MST1: variants seen among roughly 807,000 people sequenced by gnomAD.
MST1 encodes the protein hepatocyte growth factor-like protein.
MST1 carries 76 observed loss-of-function variants against 100.1 expected under a neutral mutation model. That is an observed-to-expected ratio of 0.76 (90% confidence interval 0.63 to 0.92). The LOEUF is 0.92. Among genes scored for constraint, MST1 ranks in the 40% least tolerant of loss-of-function variants. MST1 has a pLI of 0.00. For synonymous variants in MST1, 352 were observed against 385.4 expected (o/e 0.91, Z 1.01); for missense variants, 850 against 990.0 (o/e 0.86, Z 1.90).
At position 49,686,293 on chromosome 3, in the gene MST1, G is replaced by GCCCCTCCCCCCCCCCCCCCCC; in HGVS notation, c.1016+19_1016+20insGGGGGGGGGGGGGGGGAGGGG. On this transcript the variant is annotated intron_variant, in intron 8 of 17. Coordinates refer to ENST00000449682, the MANE Select transcript of MST1 (RefSeq NM_020998.4). ...CCCGCAGCAGCACGTCCCAACGCCC[G>GCCCCTCCCCCCCCCCCCCCCC]CCCCCCCCCCCCACCTCACTTGCAC... The GCCCCTCCCCCCCCCCCCCCCC allele has an allele frequency of 8.1e-7, 1 of 1,237,272 alleles. No homozygotes were observed. Among genetic ancestry groups the GCCCCTCCCCCCCCCCCCCCCC allele is most frequent in the South Asian group, 1.3e-5 (1 of 74,584 alleles). 76.6% of individuals were successfully genotyped at this position (1,237,272 alleles called of 1,614,324 possible). A position where few individuals can be genotyped will look rare whatever the true frequency, so the allele number is the denominator to read the frequency against.
rs1207940264 is a variant in MST1, at chr3:49,684,839, G to A, written c.1668C>T (p.Phe556=). Residue 556 remains phenylalanine, a synonymous_variant, in exon 15 of 18, where the codon TTC becomes TTT. Coordinates refer to ENST00000449682, the MANE Select transcript of MST1 (RefSeq NM_020998.4). ...TGYEVWLGTL[F]QNPQHGEPSL... is the part of the protein sequence containing the mutation. ...TTGGCTCTCCATGCTGTGGGTTCTGGAACAGGGTGCCCAACCATACCTCAT... is the reference window on the plus strand; with the variant it reads ...TTGGCTCTCCATGCTGTGGGTTCTGAAACAGGGTGCCCAACCATACCTCAT... 3 of 1,613,530 alleles carry A rather than the reference G, an allele frequency of 1.9e-6. No individual in the cohort carries two copies. Among genetic ancestry groups the A allele is most frequent in the Admixed American group, 1.7e-5 (1 of 60,014 alleles).
rs1428091258 is a variant in MST1, at chr3:49,689,423, GC to G, written c.-733del. ...GGTGAGGCCTTTCGGCGAAGCTGAG[GC>G]CTGGAACAACCCGGTGGGAAGCCAT... On this transcript the variant is annotated 5_prime_UTR_variant, in exon 1 of 18. The change abolishes the stop of an existing upstream ORF in the 5' untranslated region. Transcript: ENST00000449682. The G allele has an allele frequency of 3.3e-5, 5 of 152,384 alleles. No individual in the cohort carries two copies. The highest frequency in any genetic ancestry group is 1.2e-4 in the African/African-American group (5 of 41,472). The allele number at this position is 152,384 out of a possible 1,614,324, so 9.4% of individuals were successfully genotyped here.
rs771646511 is a variant in MST1, at chr3:49,687,818, C to A, written c.174G>T (p.Gly58=). Residue 58 remains glycine, a synonymous_variant, in exon 2 of 18, where the codon GGG becomes GGT. Transcript: ENST00000449682. The part of the protein sequence containing the change: ...LQHLLHAVVP[G]PWQEDVADAE... Reference sequence around the variant, plus strand: ...CATCTGCCACATCCTCCTGCCAAGGCCCGGGCACCACCGCATGTAGCAGGT... The same window carrying A: ...CATCTGCCACATCCTCCTGCCAAGGACCGGGCACCACCGCATGTAGCAGGT... 1.2e-6 allele frequency: 2 copies of A among 1,613,664 alleles called. No individual in the cohort carries two copies. Among genetic ancestry groups the A allele is most frequent in the Admixed American group, 3.3e-5 (2 of 60,020 alleles).
At position 49,684,657 on chromosome 3, in the gene MST1, C is replaced by T. The variant is rs751465210; in HGVS notation, c.1770-1G>A. 16 of 1,613,632 alleles carry T rather than the reference C, an allele frequency of 9.9e-6. No individual in the cohort carries two copies. In the Admixed American group the frequency reaches 2.5e-4, roughly 25 times the overall value. On this transcript the variant is annotated splice_acceptor_variant, in intron 15 of 17. Transcript: ENST00000449682. LOFTEE classifies it high-confidence loss of function. Reference sequence around the variant, plus strand: ...CACACGCTGGTTCAGGGTCACAGATCTTTAGCAAGAATGGGGGCACTCAGG... The same window carrying T: ...CACACGCTGGTTCAGGGTCACAGATTTTTAGCAAGAATGGGGGCACTCAGG...
In MST1 at chr3:49,687,542, C is replaced by A; in HGVS notation, c.355+14G>T. Reference sequence around the variant, plus strand: ...CCCCTGTCTCCCACCCTGCCCCTCTCCACCCCCACTTGCCTTTCTTCTGGA... The same window carrying A: ...CCCCTGTCTCCCACCCTGCCCCTCTACACCCCCACTTGCCTTTCTTCTGGA... On this transcript the variant is annotated intron_variant, in intron 3 of 17. Transcript: ENST00000449682. 2 of 1,613,446 alleles carry A rather than the reference C, an allele frequency of 1.2e-6. No homozygotes were observed. Among genetic ancestry groups the A allele is most frequent in the Non-Finnish European group, 1.7e-6 (2 of 1,179,858 alleles).
chr3:49,687,602 G>A lies in MST1; in HGVS notation c.309C>T (p.His103=). 1.9e-6 allele frequency: 3 copies of A among 1,613,626 alleles called. No homozygotes were observed. Among genetic ancestry groups the A allele is most frequent in the Non-Finnish European group, 2.5e-6 (3 of 1,179,878 alleles). ...QLLPWTQHSP[H]TRLRRSGRCD... is the part of the protein sequence containing the mutation. ...AGCGCCCAGAACGCCGCAGCCTCGT[G>A]TGGGGCGAGTGTTGAGTCCATGGCA... is the stretch of plus-strand genomic sequence containing the variant. Residue 103 remains histidine, a synonymous_variant, in exon 3 of 18, where the codon CAC becomes CAT. Coordinates refer to ENST00000449682, the MANE Select transcript of MST1 (RefSeq NM_020998.4).
rs397833185 is a variant in MST1, at chr3:49,685,682, C to G, written c.1301G>C (p.Arg434Pro). ...PHAQLEENFCRNPDGDSHGPW... is the reference protein window; with the variant it reads ...PHAQLEENFCPNPDGDSHGPW... Reference sequence around the variant, plus strand: ...CCCATGGCTATCCCCATCTGGGTTCCGGCAGAAGTTCTCCTCCAGTTGTGC... The same window carrying G: ...CCCATGGCTATCCCCATCTGGGTTCGGGCAGAAGTTCTCCTCCAGTTGTGC... Residue 434 changes from arginine (R) to proline (P), a missense_variant, in exon 11 of 18, where the codon CGG (arginine) becomes CCG (proline). This residue lies in a region of MST1 where 816 missense variants were observed against 924.6 expected (regional missense o/e 0.88). Transcript: ENST00000449682. The G allele has an allele frequency of 1.1e-5, 17 of 1,613,304 alleles. No homozygotes were observed. The African/African-American group carries it at 2.1e-4, about 20-fold the overall frequency.
In MST1 at chr3:49,684,840, A is replaced by G; in HGVS notation, c.1667T>C (p.Phe556Ser). The change falls in exon 15 of 18, where the codon TTC (phenylalanine) becomes TCC (serine). Residue 556 changes from phenylalanine to serine, a missense_variant. Physicochemically the swap from Phe to Ser is radical, Grantham distance 155. Around this residue, in one of 2 missense-constraint regions of MST1, gnomAD observed 816 missense variants for 924.6 expected, o/e 0.88. Transcript: ENST00000449682. Reference sequence around the variant, plus strand: ...TGGCTCTCCATGCTGTGGGTTCTGGAACAGGGTGCCCAACCATACCTCATA... The same window carrying G: ...TGGCTCTCCATGCTGTGGGTTCTGGGACAGGGTGCCCAACCATACCTCATA... ...TGYEVWLGTL[F>S]QNPQHGEPSL... 1.2e-6 allele frequency: 2 copies of G among 1,613,500 alleles called. No individual in the cohort carries two copies. Among genetic ancestry groups the G allele is most frequent in the Non-Finnish European group, 1.7e-6 (2 of 1,179,844 alleles).
chr3:49,686,287 A>ACACCCTCCCCCCCCCC, intron 8 of MST1, 26 bp downstream of exon 8: 1 of 955,424 alleles, frequency 1.0e-6, no homozygotes, highest in Non-Finnish European at 1.5e-6. Context: ...GCACGTCCCA[A>ACACCCTCCCCCCCCCC]CGCCCGCCCC....
At chr3:49,686,531 C>G (rs754237473) in intron 7 of MST1, 50 bp from the exon 8 acceptor site, 21 of 1,601,692 alleles carry the variant, frequency 1.3e-5, no homozygotes, top group Admixed American at 8.4e-5. Flanking sequence ...TGAGATCCCT[C>G]TGGGGCTGGG....
In MST1 at chr3:49,687,222, G is replaced by A. The variant is rs1295127295; in HGVS notation, c.534C>T (p.Pro178=). ...ENFCRNPDGD[P]GGPWCYTTDP... ...CTGTTGTGTAGCACCAAGGACCTCCGGGGTCGCCATCAGGGTTACGGCAGA... is the reference window on the plus strand; with the variant it reads ...CTGTTGTGTAGCACCAAGGACCTCCAGGGTCGCCATCAGGGTTACGGCAGA... Residue 178 remains proline (P), a synonymous_variant, in exon 5 of 18, where the codon CCC becomes CCT. Transcript: ENST00000449682. The A allele has an allele frequency of 1.9e-6, 3 of 1,613,496 alleles. No homozygotes were observed. Among genetic ancestry groups the A allele is most frequent in the Non-Finnish European group, 8.5e-7 (1 of 1,179,868 alleles).
Position 49,688,785 on chromosome 3 carries a change from G to A in MST1, c.-94C>T, listed in dbSNP as rs1177009339. The A allele has an allele frequency of 2.3e-5, 23 of 1,018,126 alleles. No homozygotes were observed. The East Asian group carries it at 5.3e-4, about 23-fold the overall frequency. 63.1% of individuals were successfully genotyped at this position (1,018,126 alleles called of 1,614,324 possible). ...GCTGGACCCTGACCTGAGACCTGGT[G>A]ACAGGAGCCATGAGGGGCCAGGCCT... On this transcript the variant is annotated 5_prime_UTR_variant, in exon 1 of 18. Coordinates refer to ENST00000449682, the MANE Select transcript of MST1 (RefSeq NM_020998.4).
In MST1 at chr3:49,685,674, C is replaced by T. The variant is rs560388937; in HGVS notation, c.1309G>A (p.Asp437Asn). 6.8e-6 allele frequency: 11 copies of T among 1,613,454 alleles called. No homozygotes were observed. The Admixed American group carries it at 1.7e-4, about 24-fold the overall frequency. Residue 437 changes from aspartate (D) to asparagine (N), a missense_variant, in exon 11 of 18, where the codon GAT becomes AAT. This residue lies in a region of MST1 where 816 missense variants were observed against 924.6 expected (regional missense o/e 0.88). Transcript: ENST00000449682. ...CACCAGGGCCCATGGCTATCCCCAT[C>T]TGGGTTCCGGCAGAAGTTCTCCTCC... is the stretch of plus-strand genomic sequence containing the variant. ...QLEENFCRNPDGDSHGPWCYT... is the reference protein window; with the variant it reads ...QLEENFCRNPNGDSHGPWCYT...
intron 13 of MST1, 46 bp from the exon 14 acceptor site, chr3:49,685,135 A>G: frequency 3.8e-6 from 6 of 1,599,830 alleles, no homozygotes; most frequent in Non-Finnish European, 5.1e-6. Flanking sequence ...CCTGGGACAG[A>G]TGCTAGACCT....
In MST1 at chr3:49,685,493, C is replaced by A; in HGVS notation, c.1401G>T (p.Pro467=). Residue 467 remains proline (P), a synonymous_variant, in exon 12 of 18, where the codon CCG becomes CCT. Transcript: ENST00000449682. ...AACCTGGGGGGTCCAGGATTGATGGCGGCTGGTCATCAGCTGAAAGACAAA... is the reference window on the plus strand; with the variant it reads ...AACCTGGGGGGTCCAGGATTGATGGAGGCTGGTCATCAGCTGAAAGACAAA... ...CALRRCADDQ[P]PSILDPPDQV... 6.2e-7 allele frequency: 1 copy of A among 1,613,552 alleles called. No individual in the cohort carries two copies. Among genetic ancestry groups the A allele is most frequent in the Non-Finnish European group, 8.5e-7 (1 of 1,179,854 alleles).
At chr3:49,688,556 C>T (rs1272371515) in intron 1 of MST1, 42 bp downstream of exon 1, 1 of 1,607,898 alleles carries the variant, frequency 6.2e-7, no homozygotes, top group Non-Finnish European at 8.5e-7. Flanking sequence ...GGGGCCAACC[C>T]CCTCCTGAAG....
At position 49,687,234 on chromosome 3, in the gene MST1, A is replaced by G. The variant is rs754682077; in HGVS notation, c.522T>C (p.Pro174=). The change falls in exon 5 of 18, where the codon CCT becomes CCC. Residue 174 remains proline (P), a synonymous_variant. Coordinates refer to ENST00000449682, the MANE Select transcript of MST1 (RefSeq NM_020998.4). ...NGLEENFCRN[P]DGDPGGPWCY... ...ACCAAGGACCTCCGGGGTCGCCATC[A>G]GGGTTACGGCAGAAGTTCTCTTCCA... is the stretch of plus-strand genomic sequence containing the variant. 6.2e-7 allele frequency: 1 copy of G among 1,613,542 alleles called. No individual in the cohort carries two copies. The highest frequency in any genetic ancestry group is 8.5e-7 in the Non-Finnish European group (1 of 1,179,876).
chr3:49,685,931 G>A lies in MST1; in HGVS notation c.1179C>T (p.Arg393=). The change falls in exon 10 of 18, where the codon CGC becomes CGT. Residue 393 remains arginine, a synonymous_variant. Coordinates refer to ENST00000449682, the MANE Select transcript of MST1 (RefSeq NM_020998.4). ...DCYHGAGEQY[R]GTVSKTRKGV... is the part of the protein sequence containing the mutation. ...CCTTGCGGGTCTTGCTGACCGTGCCGCGGTACTGCTCCCCTGCGCCGTGGT... is the reference window on the plus strand; with the variant it reads ...CCTTGCGGGTCTTGCTGACCGTGCCACGGTACTGCTCCCCTGCGCCGTGGT... 6.2e-7 allele frequency: 1 copy of A among 1,609,770 alleles called. No homozygotes were observed. Among genetic ancestry groups the A allele is most frequent in the Non-Finnish European group, 8.5e-7 (1 of 1,179,310 alleles).
chr3:49,684,151 G>T lies in MST1; in HGVS notation c.2055C>A (p.Asn685Lys). The change falls in exon 18 of 18, where the codon AAC becomes AAA. Residue 685 changes from asparagine (N) to lysine (K), a missense_variant. Around this residue, in one of 2 missense-constraint regions of MST1, gnomAD observed 816 missense variants for 924.6 expected, o/e 0.88. Transcript: ENST00000449682. ...TTATAATTCCTTCCAGGACCCAGCA[G>T]TTGTGGGTAAAGCAGGCAAGTGGGC... ...YGGPLACFTH[N>K]CWVLEGIIIP... 6.2e-7 allele frequency: 1 copy of T among 1,613,410 alleles called. No homozygotes were observed. Among genetic ancestry groups the T allele is most frequent in the Non-Finnish European group, 8.5e-7 (1 of 1,179,826 alleles).
Sources: gnomAD v4.1 joint callset for allele counts on GRCh38, gnomAD v4.1.1 for gene constraint, gnomAD v4.1.1 regional missense constraint, MANE v1.5 for transcripts, NCBI Gene and HGNC (gene_info 2026-07-23, HGNC 2026-07-21) for gene names.